Variants in PCDH15 observed in about 807,000 individuals in gnomAD.
PCDH15 encodes the protein protocadherin-15.
A neutral mutation model predicts 178.5 loss-of-function variants in PCDH15; 129 were observed. The observed-to-expected ratio is 0.72, with a 90% CI of 0.63 to 0.84. PCDH15 has a LOEUF of 0.84. Ranked by LOEUF, PCDH15 falls within the 40% of genes least tolerant of loss-of-function variation. The pLI, the probability that PCDH15 is intolerant of heterozygous loss-of-function variation, is 0.00. For missense variants in PCDH15, 2,230 were observed against 2,099.9 expected (o/e 1.06, Z -1.21); for synonymous variants, 800 against 732.0 (o/e 1.09, Z -1.50).
intron 3 of PCDH15, among the ~76,000 whole-genome samples, chr10:54,448,864 T>C (rs1203646542): frequency 6.6e-6 from 1 of 151,774 alleles, no homozygotes; most frequent in Non-Finnish European, 1.5e-5. Flanking sequence ...AATGGATGCT[T>C]AGTCTTTCGG....
chr10:55,316,542 C>G (rs1843726756), intron 1 of PCDH15, among the ~76,000 whole-genome samples: 1 of 152,000 alleles, frequency 6.6e-6, no homozygotes, highest in Non-Finnish European at 1.5e-5. Context: ...AAGAATCTAT[C>G]ATTACAAAGT....
chr10:55,343,019 G>C (rs1482730586), intron 2 of PCDH15, among the ~76,000 whole-genome samples: 1 of 152,134 alleles, frequency 6.6e-6, no homozygotes, highest in Non-Finnish European at 1.5e-5. Context: ...AAGGGACCAT[G>C]CAGGACACAA....
upstream of PCDH15, among the ~76,000 whole-genome samples, chr10:54,805,827 T>C (rs1912983): frequency 0.088 from 13,420 of 152,168 alleles, 680 homozygotes; most frequent in South Asian, 0.14. Flanking sequence ...TACAATGTGA[T>C]TTAGTAAAAT....
chr10:54,137,737 C>T (rs571180026), intron 14 of PCDH15, among the ~76,000 whole-genome samples: 2 of 152,280 alleles, frequency 1.3e-5, no homozygotes, highest in Admixed American at 1.3e-4. Flanking sequence ...CACCAATTTC[C>T]TTAGCTGCAG....
At chr10:55,045,438 C>T (rs1040203409) in intron 2 of PCDH15, among the ~76,000 whole-genome samples, 3 of 151,980 alleles carry the variant, frequency 2.0e-5, no homozygotes, top group African/African-American at 4.8e-5. Context: ...TATAATAAAG[C>T]GTGAAAAATA....
intron 21 of PCDH15, among the ~76,000 whole-genome samples, chr10:53,988,063 T>C (rs1344471680): frequency 2.6e-5 from 4 of 152,214 alleles, no homozygotes; most frequent in South Asian, 2.1e-4. Context: ...TCTGATATTT[T>C]CTGCCCGATC....
chr10:55,601,015 C>T (rs898820456), intron 2 of PCDH15, among the ~76,000 whole-genome samples: 2 of 151,952 alleles, frequency 1.3e-5, no homozygotes, highest in African/African-American at 2.4e-5. Context: ...GAAAAGTTAG[C>T]TTTTTTTGCC....
At chr10:55,574,573 T>A (rs1842463385) in intron 2 of PCDH15, among the ~76,000 whole-genome samples, 1 of 152,044 alleles carries the variant, frequency 6.6e-6, no homozygotes, top group South Asian at 2.1e-4. Flanking sequence ...TAATCTGAAA[T>A]CTACTAGTGG....
At chr10:54,477,370 TG>T (rs1319417256) in intron 3 of PCDH15, among the ~76,000 whole-genome samples, 1 of 152,148 alleles carries the variant, frequency 6.6e-6, no homozygotes, top group South Asian at 2.1e-4. Flanking sequence ...ATTTCTTGGT[TG>T]GGCATCCCTA....
intron 2 of PCDH15, among the ~76,000 whole-genome samples, chr10:55,424,442 G>C (rs994170738): frequency 2.0e-5 from 3 of 152,106 alleles, no homozygotes; most frequent in Non-Finnish European, 4.4e-5. Context: ...ACTATGAAAG[G>C]TCTCACATAT....
chr10:54,644,799 C>T (rs879305812), intron 2 of PCDH15, among the ~76,000 whole-genome samples: 1 of 152,010 alleles, frequency 6.6e-6, no homozygotes, highest in Admixed American at 6.6e-5. Context: ...GAGGTTGGGC[C>T]CTTAGGAGGT....
chr10:54,211,443 T>A (rs2051416620), intron 10 of PCDH15, among the ~76,000 whole-genome samples: 1 of 152,160 alleles, frequency 6.6e-6, no homozygotes, highest in Admixed American at 6.5e-5. Flanking sequence ...TTTAATCTTT[T>A]CATAGTCTAA....
intron 3 of PCDH15, among the ~76,000 whole-genome samples, chr10:54,491,854 C>T (rs73258125): frequency 0.01 from 1,544 of 152,224 alleles, 24 homozygotes; most frequent in African/African-American, 0.035. Flanking sequence ...ATTACTGATT[C>T]ATCTGCATAA....
chr10:54,101,534 C>T (rs985819092), intron 15 of PCDH15, among the ~76,000 whole-genome samples: 7 of 152,116 alleles, frequency 4.6e-5, no homozygotes, highest in African/African-American at 7.2e-5. Flanking sequence ...AGTATATTTT[C>T]AGTTGATACA....
At chr10:54,437,189 A>G (rs1342126688) in intron 3 of PCDH15, among the ~76,000 whole-genome samples, 3 of 152,172 alleles carry the variant, frequency 2.0e-5, no homozygotes, top group East Asian at 3.9e-4. Context: ...AAGCTCTCCA[A>G]TTTTTCACCA....
chr10:54,400,886 A>C (rs1003161510), intron 3 of PCDH15, among the ~76,000 whole-genome samples: 3 of 152,010 alleles, frequency 2.0e-5, no homozygotes, highest in Admixed American at 6.6e-5. Flanking sequence ...TTACATAAAA[A>C]ACAGTAAATT....
intron 2 of PCDH15, among the ~76,000 whole-genome samples, chr10:55,336,220 C>T (rs1386053538): frequency 6.7e-6 from 1 of 150,114 alleles, no homozygotes; most frequent in Non-Finnish European, 1.5e-5. Flanking sequence ...ATTCTCTGGG[C>T]CGGGCGCAGT....
intron 17 of PCDH15, among the ~76,000 whole-genome samples, chr10:54,074,868 G>T (rs1476548125): frequency 1.3e-5 from 2 of 152,026 alleles, no homozygotes; most frequent in Non-Finnish European, 2.9e-5. Flanking sequence ...TGTTGTTGTT[G>T]TTGTTTTGTT....
chr10:54,503,509 T>C lies in PCDH15; in HGVS notation c.157+24303A>G, dbSNP rs555774195. On this transcript the variant is annotated intron_variant, in intron 3 of 37. Transcript: ENST00000644397. ...GAAATAGGAACAAAAACAGAATAGATAGAATATTTAAAAAAAAAACTTGAA... is the reference window on the plus strand; with the variant it reads ...GAAATAGGAACAAAAACAGAATAGACAGAATATTTAAAAAAAAAACTTGAA... 1.0e-4 allele frequency among the ~76,000 whole-genome samples: 14 copies of C among 139,726 alleles called. No homozygotes were observed. The South Asian group carries it at 2.2e-3, about 22-fold the overall frequency. 91.7% of individuals were successfully genotyped at this position (139,726 alleles called of 152,430 possible). A position where few individuals can be genotyped will look rare whatever the true frequency, so the allele number is the denominator to read the frequency against.
Sources: gnomAD v4.1 joint callset for allele counts (sites outside exome capture counted in the v4.1 genomes callset) on GRCh38, gnomAD v4.1.1 for gene constraint, MANE v1.5 for transcripts, NCBI Gene and HGNC (gene_info 2026-07-23, HGNC 2026-07-21) for gene names.